Variants in ZFP64 observed in about 807,000 individuals in gnomAD.
ZFP64 encodes ZFP64 zinc finger protein.
ZFP64 carries 14 observed loss-of-function variants against 51.6 expected under a neutral mutation model. The observed-to-expected ratio is 0.27, with a 90% CI of 0.18 to 0.42. The LOEUF (loss-of-function observed/expected upper bound fraction) is 0.42. Among genes scored for constraint, ZFP64 ranks in the 10% least tolerant of loss-of-function variants. The pLI is 1.00. For synonymous variants in ZFP64, 375 were observed against 361.4 expected, an observed-to-expected ratio of 1.04 and a Z score of -0.43; for missense variants, 754 against 906.8, an observed-to-expected ratio of 0.83 and a Z score of 2.16.
intron 2 of ZFP64, among the ~76,000 whole-genome samples, chr20:52,172,356 C>A (rs981858702): frequency 6.6e-6 from 1 of 152,058 alleles, no homozygotes; most frequent in African/African-American, 2.4e-5. Context: ...TTGCAGTGAT[C>A]TCAGAGCTTA....
At chr20:52,102,405 C>T (rs562660325) in intron 5 of ZFP64, among the ~76,000 whole-genome samples, 2 of 152,190 alleles carry the variant, frequency 1.3e-5, no homozygotes, top group African/African-American at 2.4e-5. Flanking sequence ...GGTCTGGGAA[C>T]CATACTTTTG....
intron 5 of ZFP64, among the ~76,000 whole-genome samples, chr20:52,129,235 C>T (rs1386710986): frequency 6.6e-6 from 1 of 152,024 alleles, no homozygotes; most frequent in Non-Finnish European, 1.5e-5. Flanking sequence ...GCGCCCACCA[C>T]CACGCCCGGT....
intron 1 of ZFP64, among the ~76,000 whole-genome samples, chr20:52,187,934 C>G (rs967804586): frequency 6.6e-5 from 10 of 152,204 alleles, no homozygotes; most frequent in African/African-American, 2.4e-4. Flanking sequence ...TCACCCAAAA[C>G]ACATACTATG....
Position 52,119,520 on chromosome 20 carries a change from TAAA to T in ZFP64, c.764-20936_764-20934del, listed in dbSNP as rs11409645. 3.4e-3 allele frequency among the ~76,000 whole-genome samples: 344 copies of T among 100,266 alleles called. 2 individuals are homozygous for T. Among genetic ancestry groups the T allele is most frequent in the African/African-American group, 0.013 (314 of 24,050 alleles). The allele number at this position is 100,266 out of a possible 152,430, so 65.8% of individuals were successfully genotyped here. Reference sequence around the variant, plus strand: ...CTGGGAAACAGAGTGAGACTTCATCTAAAAAAAAAAAAAATATATATATATATA... The same window carrying T: ...CTGGGAAACAGAGTGAGACTTCATCTAAAAAAAAAAATATATATATATATA... On this transcript the variant is annotated intron_variant, in intron 5 of 8. Transcript: ENST00000361387.
rs1040718644 is a variant in ZFP64, at chr20:52,186,866, G to C, written c.252C>G (p.Thr84=). ...TCTGGGTCTCCGAGGTGATGGTTCT[G>C]GTGGTGGTCTGAGTCTGGGTGGCAG... ...TVPATQTQTT[T]RTITSETQTI... The change falls in exon 2 of 6, where the codon ACC becomes ACG. Residue 84 remains threonine (T), a synonymous_variant. Coordinates refer to ENST00000216923, the MANE Select transcript of ZFP64 (RefSeq NM_018197.3). 5 of 1,613,268 alleles carry C rather than the reference G, an allele frequency of 3.1e-6. No individual in the cohort carries two copies. The highest frequency in any genetic ancestry group is 4.2e-6 in the Non-Finnish European group (5 of 1,179,272).
In ZFP64 at chr20:52,152,211, A is replaced by G. The variant is rs753678487; in HGVS notation, c.1981T>C (p.Tyr661His). Residue 661 changes from tyrosine (Y) to histidine (H), a missense_variant, in exon 6 of 6, where the codon TAC becomes CAC. This residue lies in a region of ZFP64 where 428 missense variants were observed against 472.4 expected (regional missense o/e 0.91). Transcript: ENST00000216923. ...TGGGCTGCCCCTTGAATGATGGAGT[A>G]GGTCTGCTTGGGTAGTTCTTGCTGG... is the stretch of plus-strand genomic sequence containing the variant. ...SSQQELPKQT[Y>H]SIIQGAAHPA... The G allele has an allele frequency of 6.2e-7, 1 of 1,614,122 alleles. No individual in the cohort carries two copies. The highest frequency in any genetic ancestry group is 8.5e-7 in the Non-Finnish European group (1 of 1,180,028).
chr20:52,123,277 G>C (rs542493901), intron 5 of ZFP64, among the ~76,000 whole-genome samples: 17 of 152,290 alleles, frequency 1.1e-4, no homozygotes, highest in African/African-American at 4.1e-4. Flanking sequence ...CAAACTGCTG[G>C]ATTACAGGCA....
intron 2 of ZFP64, chr20:52,176,069 C>A (rs1983184877): frequency 3.4e-6 from 2 of 580,034 alleles, no homozygotes; most frequent in African/African-American, 2.0e-5. Flanking sequence ...GTGGAAGACA[C>A]CTGACAGCAA....
rs569137008 is a variant in ZFP64, at chr20:52,191,334, A to G, written c.46+257T>C. ...TTGTCTGAACGGCGTGCCCTCCCCC[A>G]CTGTTCCCTTCCAAGGGGTCTCGCA... is the stretch of plus-strand genomic sequence containing the variant. On this transcript the variant is annotated intron_variant, in intron 1 of 5. Transcript: ENST00000216923. This position sits in a 1 kb window ranked among gnomAD's most constrained non-coding sequence, Gnocchi z 4.3. Among the ~76,000 whole-genome samples, 5 of 152,056 alleles carry G rather than the reference A, an allele frequency of 3.3e-5. No homozygotes were observed. Among genetic ancestry groups the G allele is most frequent in the African/African-American group, 9.6e-5 (4 of 41,506 alleles).
At position 52,152,773 on chromosome 20, in the gene ZFP64, C is replaced by A; in HGVS notation, c.1419G>T (p.Thr473=). The A allele has an allele frequency of 6.2e-7, 1 of 1,602,788 alleles. No homozygotes were observed. The highest frequency in any genetic ancestry group is 1.3e-5 in the African/African-American group (1 of 74,942). The change falls in exon 6 of 6, where the codon ACG becomes ACT. Residue 473 remains threonine, a synonymous_variant. Transcript: ENST00000216923. ...FQIDPSKQPA[T]PLTVGHLQVP... is the part of the protein sequence containing the mutation. ...CCTGGAGGTGTCCCACAGTGAGGGGCGTGGCGGGCTGCTTGCTGGGGTCGA... is the reference window on the plus strand; with the variant it reads ...CCTGGAGGTGTCCCACAGTGAGGGGAGTGGCGGGCTGCTTGCTGGGGTCGA...
chr20:52,093,447 GATTTTTATCTGGGGTCTGTGT>G (rs1178595809), intron 7 of ZFP64, among the ~76,000 whole-genome samples: 1 of 152,184 alleles, frequency 6.6e-6, no homozygotes, highest in Non-Finnish European at 1.5e-5. Flanking sequence ...GCCATCAGGA[GATTTTTATCTGGGGTCTGTGT>G]ATAAAATTTC....
chr20:52,111,076 A>AG, intron 5 of ZFP64: 1 of 1,114,126 alleles, frequency 9.0e-7, no homozygotes, highest in Non-Finnish European at 1.4e-6. Context: ...CAGGAAGCCC[A>AG]GGAGAAGGGG....
At chr20:52,102,107 C>CAAAAAAAAAGAAAAAAAAAAAAA (rs2079058275) in intron 5 of ZFP64, among the ~76,000 whole-genome samples, 1 of 63,438 alleles carries the variant, frequency 1.6e-5, no homozygotes, top group Admixed American at 1.9e-4. Context: ...ACTCCATCTC[C>CAAAAAAAAAGAAAAAAAAAAAAA]AAAAAAAAAA....
chr20:52,123,879 G>C (rs113234697), intron 5 of ZFP64, among the ~76,000 whole-genome samples: 28 of 151,578 alleles, frequency 1.8e-4, no homozygotes, highest in East Asian at 9.7e-4. Context: ...TCTTTTTTGG[G>C]GGGGGGAGGG....
In ZFP64 at chr20:52,100,150, C is replaced by T. The variant is rs531871986; in HGVS notation, c.764-1563G>A. On this transcript the variant is annotated intron_variant, in intron 5 of 8. Coordinates refer to the ZFP64 transcript ENST00000361387. ...GACTACAGGCACCCACCACCATGCC[C>T]GGCTAATTTTTTGTATTTTCAGTAG... Among the ~76,000 whole-genome samples, 7 of 152,108 alleles carry T rather than the reference C, an allele frequency of 4.6e-5. No individual in the cohort carries two copies. In the South Asian group the frequency reaches 8.3e-4, roughly 18 times the overall value.
intron 5 of ZFP64, among the ~76,000 whole-genome samples, chr20:52,124,176 G>A (rs1029393130): frequency 1.6e-5 from 2 of 127,480 alleles, no homozygotes; most frequent in Admixed American, 9.1e-5. Flanking sequence ...CTGATTGAAA[G>A]ATACATTGTT....
chr20:52,133,466 C>T (rs1289474384), intron 5 of ZFP64, among the ~76,000 whole-genome samples: 2 of 151,916 alleles, frequency 1.3e-5, no homozygotes, highest in Admixed American at 1.3e-4. Context: ...CCTAAGGACT[C>T]CACACAGAAA....
rs984385079 is a variant in ZFP64, at chr20:52,085,917, A to C, written c.1229-651T>G. On this transcript the variant is annotated intron_variant, in intron 8 of 8. Transcript: ENST00000361387. This position sits in a 1 kb window ranked among gnomAD's most constrained non-coding sequence, Gnocchi z 4.3. ...TTTTGAGGTTGCTGCTTTAAACGTCAGTTGAATATACACAAAGATAAGCAT... is the reference window on the plus strand; with the variant it reads ...TTTTGAGGTTGCTGCTTTAAACGTCCGTTGAATATACACAAAGATAAGCAT... Among the ~76,000 whole-genome samples, 16 of 152,184 alleles carry C rather than the reference A, an allele frequency of 1.1e-4. No homozygotes were observed. The highest frequency in any genetic ancestry group is 9.8e-4 in the Admixed American group (15 of 15,278).
At chr20:52,161,649 G>A (rs570736064) in intron 4 of ZFP64, among the ~76,000 whole-genome samples, 12 of 152,112 alleles carry the variant, frequency 7.9e-5, no homozygotes, top group Admixed American at 2.6e-4. Context: ...AGAGTAAGTC[G>A]ATATGACATA....
Sources: allele counts gnomAD v4.1 joint callset (sites outside exome capture counted in the v4.1 genomes callset), GRCh38; gene constraint gnomAD v4.1.1; regional missense constraint gnomAD v4.1.1; non-coding constraint Gnocchi (gnomAD v3.1); transcripts MANE v1.5; gene names NCBI Gene and HGNC (gene_info 2026-07-23, HGNC 2026-07-21).